The following EVC2 variants were observed in gnomAD, a reference collection of about 807,000 sequenced individuals.
EVC2 encodes the protein limbin.
Under a neutral mutation model 149.3 loss-of-function variants are expected in EVC2, and 148 were observed. The ratio of observed to expected loss-of-function variants is 0.99; its 90% CI spans 0.87 to 1.14. The LOEUF (loss-of-function observed/expected upper bound fraction) is 1.14, where lower values mean the gene tolerates loss of function less well. EVC2 is among the 50% of genes most tolerant of loss of function. EVC2 has a pLI of 0.00. For missense variants in EVC2, 1,854 were observed against 1,627.3 expected (o/e 1.14, Z -2.40); for synonymous variants, 776 against 649.9 (o/e 1.19, Z -2.95).
chr4:5,606,237 T>G (rs1714382982), intron 16 of EVC2, among the ~76,000 whole-genome samples: 1 of 152,222 alleles, frequency 6.6e-6, no homozygotes, highest in Non-Finnish European at 1.5e-5. Context: ...TTTTCCATAC[T>G]CAGCGGAAAA....
chr4:5,678,118 T>C (rs1297075272), intron 7 of EVC2, among the ~76,000 whole-genome samples: 1 of 152,184 alleles, frequency 6.6e-6, no homozygotes, highest in Non-Finnish European at 1.5e-5. Flanking sequence ...TCTGGGAACA[T>C]GGATTTTGGG....
chr4:5,596,143 A>C (rs1407379277), intron 16 of EVC2, among the ~76,000 whole-genome samples: 2 of 152,320 alleles, frequency 1.3e-5, no homozygotes, highest in East Asian at 3.9e-4. Flanking sequence ...CCCCACTGTC[A>C]ACATTAGACA....
chr4:5,638,059 A>G (rs142268399), intron 10 of EVC2, among the ~76,000 whole-genome samples: 25 of 152,224 alleles, frequency 1.6e-4, no homozygotes, highest in Non-Finnish European at 3.5e-4. Context: ...GGTACTGTCG[A>G]AGCCTCCCTT....
At position 5,633,111 on chromosome 4, in the gene EVC2, C is replaced by T. The variant is rs1365745203; in HGVS notation, c.1471-1079G>A. Among the ~76,000 whole-genome samples the T allele has an allele frequency of 5.3e-5, 8 of 152,158 alleles. No individual in the cohort carries two copies. Among genetic ancestry groups the T allele is most frequent in the Non-Finnish European group, 1.2e-4 (8 of 68,028 alleles). On this transcript the variant is annotated intron_variant, in intron 10 of 21. Coordinates refer to ENST00000344408, the MANE Select transcript of EVC2 (RefSeq NM_147127.5). This position sits in a 1 kb window ranked among gnomAD's most constrained non-coding sequence, Gnocchi z 4.4. ...ATTGGAGCCTTCCTAAAGAGAGAGACCCTCTCCTGCTGGCTTTGAAGAACC... is the reference window on the plus strand; with the variant it reads ...ATTGGAGCCTTCCTAAAGAGAGAGATCCTCTCCTGCTGGCTTTGAAGAACC...
At position 5,605,468 on chromosome 4, in the gene EVC2, A is replaced by G. The variant is rs182499421; in HGVS notation, c.2829+9954T>C. Among the ~76,000 whole-genome samples, 6 of 152,284 alleles carry G rather than the reference A, an allele frequency of 3.9e-5. No homozygotes were observed. The East Asian group carries it at 1.2e-3, about 29-fold the overall frequency. On this transcript the variant is annotated intron_variant, in intron 16 of 21. Transcript: ENST00000344408. Reference sequence around the variant, plus strand: ...CCCATGTTGTTCAAGGGTCAGATAGACAGATGACAGATAGATAGATGGATG... The same window carrying G: ...CCCATGTTGTTCAAGGGTCAGATAGGCAGATGACAGATAGATAGATGGATG...
intron 2 of EVC2, among the ~76,000 whole-genome samples, 159 bp downstream of exon 2, chr4:5,697,434 C>G (rs1577268682): frequency 6.6e-6 from 1 of 152,304 alleles, no homozygotes; most frequent in East Asian, 1.9e-4. Flanking sequence ...TGGAGGTACA[C>G]TGCCCTAGTT....
At position 5,611,964 on chromosome 4, in the gene EVC2, G is replaced by C. The variant is rs566411157; in HGVS notation, c.2829+3458C>G. On this transcript the variant is annotated intron_variant, in intron 16 of 21. Coordinates refer to ENST00000344408, the MANE Select transcript of EVC2 (RefSeq NM_147127.5). ...TAAATGACTAGAGGGCGCCAGAAAA[G>C]ACCCCTTCCCTCTGCACTGTTGATC... Among the ~76,000 whole-genome samples the C allele has an allele frequency of 3.1e-3, 475 of 152,284 alleles. 1 individual carries two copies. Among genetic ancestry groups the C allele is most frequent in the Non-Finnish European group, 5.2e-3 (357 of 68,024 alleles).
At chr4:5,647,574 C>T (rs1717812986) in intron 9 of EVC2, among the ~76,000 whole-genome samples, 1 of 152,180 alleles carries the variant, frequency 6.6e-6, no homozygotes, top group Non-Finnish European at 1.5e-5. Flanking sequence ...TGCCTCAAAG[C>T]AGTGTGTGTA....
intron 9 of EVC2, among the ~76,000 whole-genome samples, chr4:5,650,687 C>CA (rs1035615262): frequency 3.2e-5 from 4 of 123,558 alleles, no homozygotes; most frequent in Non-Finnish European, 3.4e-5. Context: ...TTAATCATCA[C>CA]AAAAAAATCC....
chr4:5,702,362 G>C (rs1019258469), intron 1 of EVC2, among the ~76,000 whole-genome samples: 7 of 152,190 alleles, frequency 4.6e-5, no homozygotes, highest in African/African-American at 1.7e-4. Context: ...GGTTCCTCAA[G>C]AGCAGGGGCA....
At chr4:5,565,223 C>G (rs562507672) in intron 21 of EVC2, 35 bp downstream of exon 21, 7 of 1,605,906 alleles carry the variant, frequency 4.4e-6, no homozygotes, top group Middle Eastern at 1.7e-4. Flanking sequence ...TAGCTCACCC[C>G]CTCCCCAGCC....
intron 6 of EVC2, among the ~76,000 whole-genome samples, chr4:5,683,028 G>A (rs1330399106): frequency 5.9e-5 from 9 of 152,180 alleles, no homozygotes; most frequent in Non-Finnish European, 1.3e-4. Context: ...AGATGTTATG[G>A]CAGCAGTGCT....
At chr4:5,654,435 G>T (rs1225693127) in intron 9 of EVC2, among the ~76,000 whole-genome samples, 2 of 152,180 alleles carry the variant, frequency 1.3e-5, no homozygotes, top group South Asian at 2.1e-4. Flanking sequence ...CACTGGAGAC[G>T]CCTCTCCCTT....
In EVC2 at chr4:5,618,516, C is replaced by A. The variant is rs371698182; in HGVS notation, c.2668G>T (p.Val890Leu). 1.2e-6 allele frequency: 2 copies of A among 1,613,854 alleles called. No individual in the cohort carries two copies. Among genetic ancestry groups the A allele is most frequent in the East Asian group, 4.5e-5 (2 of 44,864 alleles). The change falls in exon 15 of 22, where the codon GTG becomes TTG. Residue 890 changes from valine (V) to leucine (L), a missense_variant. Transcript: ENST00000344408. This position sits in a 1 kb window ranked among gnomAD's most constrained non-coding sequence, Gnocchi z 4.4. ...GCAGCCACGGCCTGGTCCAGCTTCACGAACTCTGCTTCTCGCCACGCAGTC... is the reference window on the plus strand; with the variant it reads ...GCAGCCACGGCCTGGTCCAGCTTCAAGAACTCTGCTTCTCGCCACGCAGTC... ...FQTAWREAEF[V>L]KLDQAVAAPE...
chr4:5,682,602 T>C (rs910160954), intron 6 of EVC2, among the ~76,000 whole-genome samples: 20 of 151,774 alleles, frequency 1.3e-4, no homozygotes, highest in Admixed American at 8.5e-4. Flanking sequence ...CTCACACTTG[T>C]AATCTCAGCA....
intron 9 of EVC2, among the ~76,000 whole-genome samples, chr4:5,654,648 GGAGT>G (rs1331869068): frequency 2.6e-5 from 4 of 152,206 alleles, no homozygotes; most frequent in Non-Finnish European, 5.9e-5. Flanking sequence ...CACTGTGCCT[GGAGT>G]GAGGAGAATC....
At chr4:5,691,387 T>C (rs2151734042) in intron 3 of EVC2, 54 bp from the exon 4 acceptor site, 1 of 1,406,654 alleles carries the variant, frequency 7.1e-7, no homozygotes, top group South Asian at 1.2e-5. Context: ...ATGCTATACA[T>C]ATTTAATAAA....
At chr4:5,709,169 G>C (rs1722411505), upstream of EVC2, 1 of 152,576 alleles carries the variant, frequency 6.6e-6, no homozygotes, top group Non-Finnish European at 1.5e-5. Context: ...TGGGGACCTA[G>C]AAAGAGGGGA....
intron 21 of EVC2, among the ~76,000 whole-genome samples, chr4:5,553,348 C>G (rs1721775835): frequency 6.6e-6 from 1 of 152,272 alleles, no homozygotes; most frequent in South Asian, 2.1e-4. Flanking sequence ...TGAGAAATAT[C>G]CCCCATGATC....
Sources: gnomAD v4.1 joint callset for allele counts (sites outside exome capture counted in the v4.1 genomes callset) on GRCh38, gnomAD v4.1.1 for gene constraint, Gnocchi (gnomAD v3.1) non-coding constraint, MANE v1.5 for transcripts, NCBI Gene and HGNC (gene_info 2026-07-23, HGNC 2026-07-21) for gene names.